GRIN2A: variants seen among roughly 807,000 people sequenced by gnomAD.
GRIN2A encodes glutamate receptor ionotropic, NMDA 2A.
Under a neutral mutation model 113.4 loss-of-function variants are expected in GRIN2A, and 22 were observed. The ratio of observed to expected loss-of-function variants is 0.19; its 90% CI spans 0.14 to 0.28. GRIN2A has a LOEUF of 0.28. GRIN2A is among the 10% of genes least tolerant of loss of function. The pLI, the probability that GRIN2A is intolerant of heterozygous loss-of-function variation, is 1.00. For synonymous variants in GRIN2A, 827 were observed against 738.4 expected, an observed-to-expected ratio of 1.12 and a Z score of -1.94; for missense variants, 1,502 against 1,887.0, an observed-to-expected ratio of 0.80 and a Z score of 3.78.
chr16:10,112,844 C>A (rs767226427), intron 2 of GRIN2A: 14 of 585,836 alleles, frequency 2.4e-5, no homozygotes, highest in Non-Finnish European at 4.2e-5. Flanking sequence ...TCGAGGGTGG[C>A]GTCCATGGCC....
At chr16:10,153,696 A>G (rs1461729082) in intron 2 of GRIN2A, among the ~76,000 whole-genome samples, 1 of 152,194 alleles carries the variant, frequency 6.6e-6, no homozygotes, top group Non-Finnish European at 1.5e-5. Flanking sequence ...TGAGACTCCA[A>G]TACCAAACAA....
At chr16:10,053,047 C>CAA (rs34069709) in intron 2 of GRIN2A, among the ~76,000 whole-genome samples, 5,563 of 130,428 alleles carry the variant, frequency 0.043, 368 homozygotes, top group African/African-American at 0.14. Flanking sequence ...GACTCCATCT[C>CAA]AAAAAAAAAA....
intron 2 of GRIN2A, among the ~76,000 whole-genome samples, chr16:10,003,779 G>C (rs1446290882): frequency 6.6e-6 from 1 of 152,176 alleles, no homozygotes; most frequent in Non-Finnish European, 1.5e-5. Context: ...CAAAGAATGA[G>C]GTCATTAAAG....
intron 10 of GRIN2A, among the ~76,000 whole-genome samples, chr16:9,808,731 T>C (rs1242638396): frequency 6.6e-6 from 1 of 152,064 alleles, no homozygotes; most frequent in African/African-American, 2.4e-5. Flanking sequence ...TCAGAAAATA[T>C]AAAAATAAGC....
At chr16:9,853,142 G>T (rs2042913587) in intron 4 of GRIN2A, among the ~76,000 whole-genome samples, 1 of 152,194 alleles carries the variant, frequency 6.6e-6, no homozygotes, top group Non-Finnish European at 1.5e-5. Flanking sequence ...CGTGGCAGTT[G>T]TGGGAAGGAA....
chr16:9,815,788 C>A (rs906088906), intron 10 of GRIN2A, among the ~76,000 whole-genome samples: 4 of 152,116 alleles, frequency 2.6e-5, no homozygotes, highest in Non-Finnish European at 5.9e-5. Context: ...ACAAAAAAAA[C>A]CAAAGTCTCA....
At chr16:9,822,542 C>G (rs2042309073) in intron 9 of GRIN2A, 118 bp from the exon 10 acceptor site, 3 of 744,400 alleles carry the variant, frequency 4.0e-6, no homozygotes. Context: ...GAGGTAAATG[C>G]ATGCATTAGG....
chr16:9,954,984 A>G (rs2045272515), intron 2 of GRIN2A, among the ~76,000 whole-genome samples: 1 of 152,156 alleles, frequency 6.6e-6, no homozygotes, highest in Non-Finnish European at 1.5e-5. Context: ...TGTGGTTTCC[A>G]TCACCTGGGA....
chr16:9,810,514 G>A (rs1596450043), intron 10 of GRIN2A, among the ~76,000 whole-genome samples: 1 of 152,258 alleles, frequency 6.6e-6, no homozygotes, highest in East Asian at 1.9e-4. Flanking sequence ...GATTTAGGGT[G>A]GGTCCTAACT....
chr16:9,819,513 C>A (rs367849076), intron 10 of GRIN2A, among the ~76,000 whole-genome samples: 1 of 149,224 alleles, frequency 6.7e-6, no homozygotes, highest in South Asian at 2.1e-4. Flanking sequence ...CAGAGTGAGA[C>A]CCTGTCTGAA....
At chr16:10,108,657 G>C (rs2048545798) in intron 2 of GRIN2A, among the ~76,000 whole-genome samples, 1 of 152,162 alleles carries the variant, frequency 6.6e-6, no homozygotes, top group Non-Finnish European at 1.5e-5. Context: ...TTAAAGCTGA[G>C]ATGAGCCAAC....
intron 10 of GRIN2A, among the ~76,000 whole-genome samples, chr16:9,800,012 T>C (rs1903262728): frequency 6.6e-6 from 1 of 151,638 alleles, no homozygotes; most frequent in Admixed American, 6.6e-5. Flanking sequence ...TCTCACTCCA[T>C]TGCCCAGGCT....
chr16:10,101,574 GGT>G lies in GRIN2A; in HGVS notation c.414+78422_414+78423del, dbSNP rs1555479996. On this transcript the variant is annotated intron_variant, in intron 2 of 12. Transcript: ENST00000330684. ...TGGCCAGAATCCCTGGGGTCATTTA[GGT>G]GGTGATGTTGCCAGTTCTTCTCCCC... is the stretch of plus-strand genomic sequence containing the variant. Among the ~76,000 whole-genome samples, 6 of 38,374 alleles carry G rather than the reference GGT, an allele frequency of 1.6e-4. No individual in the cohort carries two copies. The East Asian group carries it at 2.3e-3, about 15-fold the overall frequency. The allele number at this position is 38,374 out of a possible 152,430, so 25.2% of individuals were successfully genotyped here.
At chr16:9,840,822 AAAAAAAAAAAAG>A (rs772896963) in intron 6 of GRIN2A, 22 bp from the exon 7 acceptor site, 2 of 1,604,742 alleles carry the variant, frequency 1.2e-6, no homozygotes, top group South Asian at 1.1e-5. Context: ...GCAAAAAAAA[AAAAAAAAAAAAG>A]AGAGAGAGAG....
intron 3 of GRIN2A, among the ~76,000 whole-genome samples, chr16:9,896,677 AG>A (rs925239539): frequency 5.3e-5 from 8 of 152,002 alleles, no homozygotes; most frequent in Non-Finnish European, 8.8e-5. Context: ...GTCCCTTGGG[AG>A]GGGGGAAAAA....
At chr16:10,039,233 G>C (rs2047096293) in intron 2 of GRIN2A, among the ~76,000 whole-genome samples, 1 of 152,102 alleles carries the variant, frequency 6.6e-6, no homozygotes, top group African/African-American at 2.4e-5. Context: ...TTGGTGCCAG[G>C]GTTTAAAGAG....
At chr16:10,023,214 T>A (rs952044770) in intron 2 of GRIN2A, among the ~76,000 whole-genome samples, 41 of 152,178 alleles carry the variant, frequency 2.7e-4, no homozygotes, top group African/African-American at 9.7e-4. Flanking sequence ...CTGCCCCCAA[T>A]GTTCAGCTGC....
intron 11 of GRIN2A, among the ~76,000 whole-genome samples, chr16:9,795,681 A>C (rs951091785): frequency 6.6e-6 from 1 of 152,196 alleles, no homozygotes; most frequent in Non-Finnish European, 1.5e-5. Flanking sequence ...TATGCACTTT[A>C]CATGTATTCT....
chr16:9,815,889 G>A (rs1186938357), intron 10 of GRIN2A, among the ~76,000 whole-genome samples: 1 of 152,222 alleles, frequency 6.6e-6, no homozygotes, highest in African/African-American at 2.4e-5. Flanking sequence ...AAGATGAATG[G>A]ATGAGCAAAA....
Sources: gnomAD v4.1 joint callset for allele counts (sites outside exome capture counted in the v4.1 genomes callset) on GRCh38, gnomAD v4.1.1 for gene constraint, MANE v1.5 for transcripts, NCBI Gene and HGNC (gene_info 2026-07-23, HGNC 2026-07-21) for gene names.